Variants in LRRC49 observed in about 807,000 individuals in gnomAD.
The protein encoded by LRRC49 is leucine-rich repeat-containing protein 49.
Under a neutral mutation model 83.3 loss-of-function variants are expected in LRRC49, and 50 were observed. The ratio of observed to expected loss-of-function variants is 0.60; its 90% CI spans 0.48 to 0.76. The LOEUF is 0.76. Among genes scored for constraint, LRRC49 ranks in the 30% least tolerant of loss-of-function variants. LRRC49 has a pLI of 0.00. For synonymous variants in LRRC49, 286 were observed against 283.3 expected, an observed-to-expected ratio of 1.01 and a Z score of -0.10; for missense variants, 704 against 809.1, an observed-to-expected ratio of 0.87 and a Z score of 1.58.
At chr15:70,920,097 A>G (rs968863032) in intron 7 of LRRC49, among the ~76,000 whole-genome samples, 4 of 152,172 alleles carry the variant, frequency 2.6e-5, no homozygotes, top group African/African-American at 9.6e-5. Context: ...AATGCTATAG[A>G]AAAACTGCTT....
chr15:71,051,978 A>T lies in LRRC49; in HGVS notation c.*2366A>T, dbSNP rs1454994033. ...ACTGATTTCTACTTCTTGAATCCTT[A>T]CTTTGTCGGGTCTCAAACGTCGAAT... is the stretch of plus-strand genomic sequence containing the variant. On this transcript the variant is annotated 3_prime_UTR_variant, in exon 16 of 16. Transcript: ENST00000260382. The T allele has an allele frequency of 6.6e-6, 1 of 152,058 alleles. No homozygotes were observed. The highest frequency in any genetic ancestry group is 2.4e-5 in the African/African-American group (1 of 41,364). The allele number at this position is 152,058 out of a possible 1,614,324, so 9.4% of individuals were successfully genotyped here. A position where few individuals can be genotyped will look rare whatever the true frequency, so the allele number is the denominator to read the frequency against.
chr15:70,959,101 T>C (rs1001699703), intron 8 of LRRC49, among the ~76,000 whole-genome samples: 3 of 152,260 alleles, frequency 2.0e-5, no homozygotes, highest in African/African-American at 7.2e-5. Context: ...AAAGTATTTA[T>C]AAAGTATTTG....
chr15:71,020,406 TATTAAAACAG>T (rs1278759952), intron 14 of LRRC49, among the ~76,000 whole-genome samples: 3 of 152,322 alleles, frequency 2.0e-5, no homozygotes, highest in East Asian at 3.9e-4. Flanking sequence ...GTAGAGTCAG[TATTAAAACAG>T]ATAATGGCAA....
intron 15 of LRRC49, 38 bp from the exon 16 acceptor site, chr15:71,049,371 T>C: frequency 7.3e-7 from 1 of 1,364,720 alleles, no homozygotes; most frequent in Non-Finnish European, 1.0e-6. Flanking sequence ...TTTGGATTAG[T>C]TATGATTTAA....
intron 2 of LRRC49, among the ~76,000 whole-genome samples, chr15:70,876,440 A>G (rs756979799): frequency 4.3e-4 from 65 of 152,316 alleles, no homozygotes; most frequent in Admixed American, 6.5e-4. Flanking sequence ...AAGGTGATAA[A>G]TGCCATGATG....
intron 1 of LRRC49, chr15:70,853,881 G>T: frequency 7.8e-7 from 1 of 1,276,888 alleles, no homozygotes; most frequent in East Asian, 3.3e-5. Flanking sequence ...GCCAGCCGCC[G>T]CGCCTACCTG....
chr15:70,966,599 A>T (rs2141202845), intron 9 of LRRC49, among the ~76,000 whole-genome samples: 1 of 152,250 alleles, frequency 6.6e-6, no homozygotes, highest in East Asian at 1.9e-4. Flanking sequence ...TTTAAAAATG[A>T]TATAAAATAT....
At chr15:70,994,054 C>T (rs1302387895) in intron 11 of LRRC49, among the ~76,000 whole-genome samples, 4 of 152,086 alleles carry the variant, frequency 2.6e-5, no homozygotes, top group Non-Finnish European at 5.9e-5. Context: ...ACCATGTTGG[C>T]CAGGCTGGTC....
chr15:70,918,113 G>C (rs1172255782), intron 6 of LRRC49: 1 of 152,396 alleles, frequency 6.6e-6, no homozygotes, highest in African/African-American at 2.4e-5. Context: ...CTCGCAGAGA[G>C]CTGGTGCCTG....
At chr15:70,927,234 T>G (rs976964159) in intron 7 of LRRC49, among the ~76,000 whole-genome samples, 34 of 152,350 alleles carry the variant, frequency 2.2e-4, no homozygotes, top group African/African-American at 8.2e-4. Context: ...ATTCTCATTG[T>G]GCTTTTAATT....
At chr15:70,911,446 A>C in intron 5 of LRRC49, 86 bp from the exon 6 acceptor site, 1 of 681,212 alleles carries the variant, frequency 1.5e-6, no homozygotes, top group Non-Finnish European at 2.6e-6. Flanking sequence ...AATTAAAATG[A>C]GTTACACCTT....
At chr15:71,016,979 C>T (rs1283357930) in intron 14 of LRRC49, among the ~76,000 whole-genome samples, 1 of 151,946 alleles carries the variant, frequency 6.6e-6, no homozygotes, top group Non-Finnish European at 1.5e-5. Context: ...GTGGCTCGCA[C>T]CTGTGGTCCC....
intron 9 of LRRC49, among the ~76,000 whole-genome samples, chr15:70,965,718 G>A (rs1380863541): frequency 6.6e-6 from 1 of 152,024 alleles, no homozygotes; most frequent in Non-Finnish European, 1.5e-5. Context: ...CTTTATTGAG[G>A]ATGCTTACTT....
At chr15:70,912,769 C>T (rs928783402) in intron 6 of LRRC49, among the ~76,000 whole-genome samples, 10 of 152,072 alleles carry the variant, frequency 6.6e-5, no homozygotes, top group South Asian at 2.1e-4. Flanking sequence ...CTCCGCCTCC[C>T]GGGTTCACGC....
chr15:70,935,528 G>A (rs2035564062), intron 7 of LRRC49, among the ~76,000 whole-genome samples: 1 of 152,022 alleles, frequency 6.6e-6, no homozygotes, highest in Non-Finnish European at 1.5e-5. Flanking sequence ...ACTCTTACTC[G>A]GGTCTTAGAA....
chr15:71,030,125 T>C (rs2039304092), intron 14 of LRRC49, among the ~76,000 whole-genome samples: 1 of 152,242 alleles, frequency 6.6e-6, no homozygotes, highest in South Asian at 2.1e-4. Flanking sequence ...CTTTGGTCTT[T>C]ATATTTTGGT....
chr15:70,965,692 T>C (rs1466435887), intron 9 of LRRC49, among the ~76,000 whole-genome samples: 1 of 152,120 alleles, frequency 6.6e-6, no homozygotes, highest in Non-Finnish European at 1.5e-5. Context: ...TTACAACATG[T>C]TCTTCATATT....
chr15:70,940,175 G>A (rs2035756531), intron 8 of LRRC49, among the ~76,000 whole-genome samples: 1 of 150,876 alleles, frequency 6.6e-6, no homozygotes. Flanking sequence ...ACCTTAAACT[G>A]CCCTGCAGTT....
chr15:71,022,985 C>G (rs984483531), intron 14 of LRRC49, among the ~76,000 whole-genome samples: 6 of 152,092 alleles, frequency 3.9e-5, no homozygotes, highest in Admixed American at 3.3e-4. Flanking sequence ...AATCTTTAAC[C>G]TGATTACAAA....
Sources: gnomAD v4.1 joint callset for allele counts (sites outside exome capture counted in the v4.1 genomes callset) on GRCh38, gnomAD v4.1.1 for gene constraint, MANE v1.5 for transcripts, NCBI Gene and HGNC (gene_info 2026-07-23, HGNC 2026-07-21) for gene names.